The following MEIS2 variants were observed in gnomAD, a reference collection of about 807,000 sequenced individuals.
MEIS2 encodes homeobox protein Meis2.
MEIS2 carries 9 observed loss-of-function variants against 58.6 expected under a neutral mutation model. The observed-to-expected ratio is 0.15, with a 90% CI of 0.09 to 0.27. MEIS2 has a LOEUF of 0.27. Ranked by LOEUF, MEIS2 falls within the 10% of genes least tolerant of loss-of-function variation. The pLI, the probability that MEIS2 is intolerant of heterozygous loss-of-function variation, is 1.00. For missense variants in MEIS2, 427 were observed against 635.0 expected (o/e 0.67, Z 3.52); for synonymous variants, 221 against 228.4 (o/e 0.97, Z 0.29).
In MEIS2 at chr15:37,083,904, G is replaced by T. The variant is rs1182099903; in HGVS notation, c.640-19C>A. The T allele has an allele frequency of 6.2e-7, 1 of 1,607,296 alleles. No homozygotes were observed. The highest frequency in any genetic ancestry group is 8.5e-7 in the Non-Finnish European group (1 of 1,175,284). On this transcript the variant is annotated intron_variant, in intron 6 of 11. Transcript: ENST00000561208. ...AAGGGTTCTGATGTCAGGATACCAA[G>T]GAATTTTTCCACAGTTACCATTTCA...
At chr15:36,954,808 T>G (rs576183912) in intron 8 of MEIS2, among the ~76,000 whole-genome samples, 1 of 152,284 alleles carries the variant, frequency 6.6e-6, no homozygotes, top group East Asian at 1.9e-4. Flanking sequence ...TTAGTTTGAG[T>G]ACATGCGTGG....
chr15:36,895,793 G>A (rs948227003), intron 10 of MEIS2, among the ~76,000 whole-genome samples: 1 of 152,152 alleles, frequency 6.6e-6, no homozygotes, highest in African/African-American at 2.4e-5. Flanking sequence ...GCCTCCAATA[G>A]TGGGAACATA....
intron 9 of MEIS2, among the ~76,000 whole-genome samples, chr15:36,924,334 C>T (rs552189388): frequency 2.0e-5 from 3 of 152,204 alleles, no homozygotes; most frequent in Non-Finnish European, 4.4e-5. Context: ...TGAACTCCCA[C>T]CACTGTGTGC....
At chr15:37,099,096 G>T (rs1596143551) in intron 1 of MEIS2, 1 of 1,002,570 alleles carries the variant, frequency 1.0e-6, no homozygotes, top group Middle Eastern at 5.0e-4. Context: ...GCGCAGCAGC[G>T]GCAGCAGGAG....
intron 9 of MEIS2, among the ~76,000 whole-genome samples, chr15:36,908,000 TC>T (rs1313364243): frequency 1.3e-5 from 2 of 152,112 alleles, no homozygotes; most frequent in East Asian, 3.8e-4. Context: ...CAGCTACGCA[TC>T]TAACAATAGC....
Position 37,093,568 on chromosome 15 carries a change from C to T in MEIS2, c.639+13G>A. ...AGTGGCCTTAAAAGATTGCTAAAGGCTAGCAGACTTACATGGTCAGCGAGA... is the reference window on the plus strand; with the variant it reads ...AGTGGCCTTAAAAGATTGCTAAAGGTTAGCAGACTTACATGGTCAGCGAGA... On this transcript the variant is annotated intron_variant, in intron 6 of 11. Transcript: ENST00000561208. The T allele has an allele frequency of 6.2e-7, 1 of 1,613,862 alleles. No individual in the cohort carries two copies. Among genetic ancestry groups the T allele is most frequent in the Non-Finnish European group, 8.5e-7 (1 of 1,179,774 alleles).
At chr15:37,084,753 A>G (rs1007757332) in intron 6 of MEIS2, among the ~76,000 whole-genome samples, 9 of 152,146 alleles carry the variant, frequency 5.9e-5, no homozygotes. Flanking sequence ...ATCATTCCCA[A>G]TGCCCTGCTG....
Position 37,010,560 on chromosome 15 carries a change from T to C in MEIS2, c.900+26254A>G, listed in dbSNP as rs1435960119. ...ACCATGCCTTCCTAATTTTTTTTGGTAGACAGAGGGTTTCACCATATTGCT... is the reference window on the plus strand; with the variant it reads ...ACCATGCCTTCCTAATTTTTTTTGGCAGACAGAGGGTTTCACCATATTGCT... On this transcript the variant is annotated intron_variant, in intron 8 of 11. Coordinates refer to ENST00000561208, the MANE Select transcript of MEIS2 (RefSeq NM_170675.5). Among the ~76,000 whole-genome samples, 3 of 152,026 alleles carry C rather than the reference T, an allele frequency of 2.0e-5. No individual in the cohort carries two copies. In the East Asian group the frequency reaches 5.8e-4, roughly 29 times the overall value.
At position 37,090,672 on chromosome 15, in the gene MEIS2, C is replaced by T. The variant is rs191495632; in HGVS notation, c.639+2909G>A. Among the ~76,000 whole-genome samples, 40 of 151,758 alleles carry T rather than the reference C, an allele frequency of 2.6e-4. 1 individual carries two copies. Among genetic ancestry groups the T allele is most frequent in the Middle Eastern group, 3.4e-3 (1 of 292 alleles). ...TTCCTTCCTTAAACATGCACACACACGAGTATGCACACACACACACAATGA... is the reference window on the plus strand; with the variant it reads ...TTCCTTCCTTAAACATGCACACACATGAGTATGCACACACACACACAATGA... On this transcript the variant is annotated intron_variant, in intron 6 of 11. Coordinates refer to ENST00000561208, the MANE Select transcript of MEIS2 (RefSeq NM_170675.5).
At chr15:36,893,032 G>T (rs1191444537) in intron 11 of MEIS2, among the ~76,000 whole-genome samples, 4 of 152,168 alleles carry the variant, frequency 2.6e-5, no homozygotes, top group Non-Finnish European at 5.9e-5. Flanking sequence ...GATTGTAAAG[G>T]TCAAAGGTAA....
chr15:36,977,843 G>T (rs1010126075), intron 8 of MEIS2, among the ~76,000 whole-genome samples: 2 of 152,148 alleles, frequency 1.3e-5, no homozygotes, highest in African/African-American at 4.8e-5. Context: ...ACAGTGAAGG[G>T]CATTCAGCAT....
rs905758718 is a variant in MEIS2 at position 37,000,610 on chromosome 15, G to C, written c.900+36204C>G. Among the ~76,000 whole-genome samples, 6 of 152,006 alleles carry C rather than the reference G, an allele frequency of 3.9e-5. No individual in the cohort carries two copies. The East Asian group carries it at 5.8e-4, about 15-fold the overall frequency. On this transcript the variant is annotated intron_variant, in intron 8 of 11. Transcript: ENST00000561208. ...CTAATTGTATTTACTCCCACCCACT[G>C]TCAGAGAAAGAGCCATTCTTCCACG...
intron 9 of MEIS2, among the ~76,000 whole-genome samples, chr15:36,917,069 G>C (rs890486551): frequency 1.3e-5 from 2 of 152,164 alleles, no homozygotes. Context: ...GGAATATTTA[G>C]GGTTGTTTTT....
chr15:36,967,012 T>C (rs775045865), intron 8 of MEIS2, among the ~76,000 whole-genome samples: 21 of 152,146 alleles, frequency 1.4e-4, no homozygotes, highest in Non-Finnish European at 5.9e-5. Context: ...TGTTAAAGGA[T>C]GTAAGTACTA....
At chr15:36,936,469 AGTTT>A (rs1325513663) in intron 9 of MEIS2, among the ~76,000 whole-genome samples, 1 of 152,158 alleles carries the variant, frequency 6.6e-6, no homozygotes, top group Non-Finnish European at 1.5e-5. Flanking sequence ...TTCTTCAGTT[AGTTT>A]GACAGTTTCT....
chr15:37,034,002 A>G (rs116705422), intron 8 of MEIS2, among the ~76,000 whole-genome samples: 2,504 of 152,282 alleles, frequency 0.016, 69 homozygotes, highest in African/African-American at 0.056. Flanking sequence ...GAAAAGGCAG[A>G]GGAGCGGCAC....
rs1019208626 is a variant in MEIS2, at chr15:37,058,496, C to T, written c.755-21537G>A. ...GGCTGAGAGTACATTCCCACCTTCA[C>T]AGCATTCCTTCCTAGGTCAAAAGGT... is the stretch of plus-strand genomic sequence containing the variant. On this transcript the variant is annotated intron_variant, in intron 7 of 11. Coordinates refer to ENST00000561208, the MANE Select transcript of MEIS2 (RefSeq NM_170675.5). Among the ~76,000 whole-genome samples, 13 of 152,326 alleles carry T rather than the reference C, an allele frequency of 8.5e-5. No individual in the cohort carries two copies. In the East Asian group the frequency reaches 1.7e-3, roughly 20 times the overall value.
intron 8 of MEIS2, among the ~76,000 whole-genome samples, chr15:37,026,410 T>C (rs1282451319): frequency 1.3e-5 from 2 of 152,228 alleles, no homozygotes; most frequent in African/African-American, 2.4e-5. Context: ...CAAATTATTA[T>C]AGAATTGCCA....
chr15:37,034,841 G>A (rs1453354158), intron 8 of MEIS2, among the ~76,000 whole-genome samples: 2 of 152,198 alleles, frequency 1.3e-5, no homozygotes, highest in Admixed American at 1.3e-4. Context: ...CAAAGTCATT[G>A]TAATGTGGAA....
Sources: allele counts gnomAD v4.1 joint callset (sites outside exome capture counted in the v4.1 genomes callset), GRCh38; gene constraint gnomAD v4.1.1; transcripts MANE v1.5; gene names NCBI Gene and HGNC (gene_info 2026-07-23, HGNC 2026-07-21).